The following CRB1 variants were observed in gnomAD, a reference collection of about 807,000 sequenced individuals.
CRB1 encodes crumbs cell polarity complex component 1, also known as protein crumbs homolog 1.
In CRB1, 83 loss-of-function variants were observed where a neutral mutation model predicts 120.0. The observed-to-expected ratio is 0.69, with a 90% CI of 0.58 to 0.83. The LOEUF is 0.83. Ranked by LOEUF, CRB1 falls within the 40% of genes least tolerant of loss-of-function variation. The pLI is 0.00. For synonymous variants in CRB1, 625 were observed against 612.5 expected, an observed-to-expected ratio of 1.02 and a Z score of -0.30; for missense variants, 1,699 against 1,687.6, an observed-to-expected ratio of 1.01 and a Z score of -0.12.
intron 1 of CRB1, among the ~76,000 whole-genome samples, chr1:197,293,380 G>T (rs528616458): frequency 8.9e-4 from 135 of 152,192 alleles, no homozygotes; most frequent in Non-Finnish European, 1.5e-3. Flanking sequence ...TCTTCAAGGA[G>T]AACTACAAAC....
At chr1:197,220,870 T>G in the CRB1 span, among the ~76,000 whole-genome samples, 2 of 152,154 alleles carry the variant, frequency 1.3e-5, no homozygotes, top group African/African-American at 4.8e-5. Context: ...ACAATGTGAT[T>G]GTAAGTTTCC....
chr1:197,431,032 C>G (rs1174269926), intron 8 of CRB1, among the ~76,000 whole-genome samples: 2 of 151,134 alleles, frequency 1.3e-5, no homozygotes, highest in African/African-American at 4.9e-5. Context: ...CACCACTGCA[C>G]TATAGCCTGT....
intron 5 of CRB1, among the ~76,000 whole-genome samples, chr1:197,402,343 AC>A (rs1255412314): frequency 1.3e-5 from 2 of 152,224 alleles, no homozygotes; most frequent in African/African-American, 4.8e-5. Flanking sequence ...TTTCCTAAGG[AC>A]AATGGCCTCC....
chr1:197,364,162 C>T (rs1660938968), intron 5 of CRB1: 3 of 567,268 alleles, frequency 5.3e-6, no homozygotes, highest in African/African-American at 1.9e-5. Context: ...TTGTCTCCAT[C>T]TCTTTTTTTT....
chr1:197,391,144 C>A (rs1322326053), intron 5 of CRB1, among the ~76,000 whole-genome samples: 2 of 152,112 alleles, frequency 1.3e-5, no homozygotes, highest in African/African-American at 2.4e-5. Flanking sequence ...ATATTAGAAG[C>A]ATCCCAATCT....
the CRB1 span, among the ~76,000 whole-genome samples, chr1:197,239,060 C>T: frequency 1.3e-5 from 2 of 152,152 alleles, no homozygotes; most frequent in South Asian, 2.1e-4. Context: ...TTTGCATATT[C>T]TATCAGCTCC....
chr1:197,461,008 T>A (rs1167108857), intron 11 of CRB1, among the ~76,000 whole-genome samples: 1 of 152,170 alleles, frequency 6.6e-6, no homozygotes, highest in Non-Finnish European at 1.5e-5. Flanking sequence ...TATTTGTTTT[T>A]ACCATTAGGT....
intron 1 of CRB1, among the ~76,000 whole-genome samples, chr1:197,313,694 G>A (rs1657680797): frequency 6.6e-6 from 1 of 152,060 alleles, no homozygotes; most frequent in Non-Finnish European, 1.5e-5. Context: ...GTGAGAACAT[G>A]TGATATTTGT....
intron 11 of CRB1, chr1:197,443,800 A>G (rs1026868286): frequency 6.6e-6 from 1 of 151,556 alleles, no homozygotes; most frequent in Non-Finnish European, 1.5e-5. Context: ...TTATAAAATA[A>G]TAATTTAAAA....
the CRB1 span, among the ~76,000 whole-genome samples, chr1:197,239,148 G>A: frequency 2.0e-5 from 3 of 151,794 alleles, no homozygotes; most frequent in Admixed American, 6.6e-5. Flanking sequence ...TAGTCTATCC[G>A]GGTATATCTT....
At chr1:197,310,841 A>G (rs1657473457) in intron 1 of CRB1, among the ~76,000 whole-genome samples, 1 of 152,138 alleles carries the variant, frequency 6.6e-6, no homozygotes, top group Non-Finnish European at 1.5e-5. Context: ...TTCTCTTTGC[A>G]TTATGTTTGT....
chr1:197,423,261 G>A, intron 6 of CRB1, among the ~76,000 whole-genome samples: 1 of 152,136 alleles, frequency 6.6e-6, no homozygotes, highest in Non-Finnish European at 1.5e-5. Flanking sequence ...AGATTCAAGA[G>A]ATGCCAATCC....
intron 1 of CRB1, among the ~76,000 whole-genome samples, chr1:197,321,352 A>T (rs932504654): frequency 6.6e-6 from 1 of 152,242 alleles, no homozygotes; most frequent in Non-Finnish European, 1.5e-5. Flanking sequence ...TAAAAAGAAA[A>T]TAAAAAATAT....
At chr1:197,207,145 G>A in the CRB1 span, among the ~76,000 whole-genome samples, 2 of 152,050 alleles carry the variant, frequency 1.3e-5, no homozygotes, top group East Asian at 3.9e-4. Context: ...CAAACACTTG[G>A]TTGGTGAATT....
chr1:197,401,885 T>G (rs898533931), intron 5 of CRB1, among the ~76,000 whole-genome samples: 14 of 152,194 alleles, frequency 9.2e-5, no homozygotes, highest in African/African-American at 3.4e-4. Flanking sequence ...GTTTTAACTT[T>G]AATTCTATTA....
At chr1:197,204,620 T>C in the CRB1 span, among the ~76,000 whole-genome samples, 1 of 152,186 alleles carries the variant, frequency 6.6e-6, no homozygotes, top group Admixed American at 6.5e-5. Flanking sequence ...CACTTTTTGA[T>C]GGAATTTTTT....
intron 1 of CRB1, 145 bp from the exon 2 acceptor site, chr1:197,328,277 G>A (rs547557527): frequency 2.0e-4 from 130 of 651,878 alleles, no homozygotes; most frequent in Non-Finnish European, 3.3e-4. Flanking sequence ...TAGTAATGTA[G>A]ATGACGTAGT....
intron 1 of CRB1, among the ~76,000 whole-genome samples, chr1:197,311,345 T>C (rs984837201): frequency 1.4e-4 from 21 of 152,132 alleles, no homozygotes; most frequent in African/African-American, 5.1e-4. Flanking sequence ...GTCAAACCCA[T>C]GGAACATAGA....
intron 11 of CRB1, among the ~76,000 whole-genome samples, chr1:197,461,683 A>G (rs1323219169): frequency 2.6e-5 from 4 of 152,112 alleles, no homozygotes; most frequent in African/African-American, 9.7e-5. Context: ...ACAAGCTCCT[A>G]TTACATTCTC....
Sources: gnomAD v4.1 joint callset for allele counts (sites outside exome capture counted in the v4.1 genomes callset) on GRCh38, gnomAD v4.1.1 for gene constraint, MANE v1.5 for transcripts, NCBI Gene and HGNC (gene_info 2026-07-23, HGNC 2026-07-21) for gene names.